Variants in TAS2R1 observed in about 807,000 individuals in gnomAD.
The protein encoded by TAS2R1 is taste 2 receptor member 1.
For synonymous variants in TAS2R1, 141 were observed against 134.2 expected (o/e 1.05, Z -0.35); for missense variants, 370 against 353.4 (o/e 1.05, Z -0.38).
chr5:9,873,759 C>A, the TAS2R1 span, among the ~76,000 whole-genome samples: 113 of 151,504 alleles, frequency 7.5e-4, 1 homozygote, highest in African/African-American at 2.7e-3. Context: ...GTCCCGGCTA[C>A]TCAGGAAGCT....
the TAS2R1 span, among the ~76,000 whole-genome samples, chr5:9,780,460 TA>T: frequency 6.6e-6 from 1 of 152,218 alleles, no homozygotes; most frequent in South Asian, 2.1e-4. Context: ...CCCTACCCAC[TA>T]ATGGACATTG....
rs1739790676 is a variant in TAS2R1, at chr5:9,628,132, CTA to C, written c.*999_*1000del. ...AAGTATATCTATCTCCATAATTTAT[CTA>C]TCTATCTATCTATCTATCTATCTAT... is the stretch of plus-strand genomic sequence containing the variant. On this transcript the variant is annotated 3_prime_UTR_variant, in exon 1 of 1. Coordinates refer to ENST00000382492, the MANE Select transcript of TAS2R1 (RefSeq NM_019599.3). 1.8e-5 allele frequency among the ~76,000 whole-genome samples: 1 copy of C among 56,012 alleles called. No homozygotes were observed. Among genetic ancestry groups the C allele is most frequent in the South Asian group, 5.0e-4 (1 of 2,016 alleles). 36.7% of individuals were successfully genotyped at this position (56,012 alleles called of 152,430 possible).
chr5:9,885,620 C>CTACA, the TAS2R1 span, among the ~76,000 whole-genome samples: 1 of 152,104 alleles, frequency 6.6e-6, no homozygotes, highest in Non-Finnish European at 1.5e-5. Context: ...GTATGAGAAG[C>CTACA]TACAGTTTTT....
At chr5:9,856,099 C>G in the TAS2R1 span, among the ~76,000 whole-genome samples, 1 of 152,046 alleles carries the variant, frequency 6.6e-6, no homozygotes, top group Admixed American at 6.6e-5. Flanking sequence ...TAGAACCAAA[C>G]CTTCAGATAG....
At chr5:9,829,937 C>A in the TAS2R1 span, among the ~76,000 whole-genome samples, 2 of 152,180 alleles carry the variant, frequency 1.3e-5, no homozygotes, top group African/African-American at 2.4e-5. Context: ...CCTAGTCATT[C>A]CTCTAAGAAT....
the TAS2R1 span, among the ~76,000 whole-genome samples, chr5:9,754,242 T>C: frequency 3.9e-5 from 6 of 152,164 alleles, no homozygotes; most frequent in African/African-American, 1.2e-4. Flanking sequence ...AAATTAGGTA[T>C]TGATGGGACG....
chr5:9,676,947 C>A (rs1034134936), intron 1 of TAS2R1, among the ~76,000 whole-genome samples: 1 of 152,158 alleles, frequency 6.6e-6, no homozygotes, highest in Non-Finnish European at 1.5e-5. Context: ...CATAAAGACA[C>A]ATGCACATGT....
Position 9,627,797 on chromosome 5 carries a change from G to A in TAS2R1, c.*1336C>T, listed in dbSNP as rs1237082471. ...TGGAGGCTGTCATTTTGCTCCTTGG[G>A]GAATGAAGTGTGAAACCTGTGGGAA... On this transcript the variant is annotated 3_prime_UTR_variant, in exon 1 of 1. Coordinates refer to ENST00000382492, the MANE Select transcript of TAS2R1 (RefSeq NM_019599.3). 1.3e-5 allele frequency among the ~76,000 whole-genome samples: 2 copies of A among 152,116 alleles called. No homozygotes were observed. The highest frequency in any genetic ancestry group is 3.9e-4 in the East Asian group (2 of 5,180).
chr5:9,719,655 G>C, the TAS2R1 span, among the ~76,000 whole-genome samples: 1 of 151,682 alleles, frequency 6.6e-6, no homozygotes, highest in African/African-American at 2.4e-5. Context: ...CTGGCCGGGC[G>C]CGGTGGCTCA....
At chr5:9,791,865 C>A in the TAS2R1 span, among the ~76,000 whole-genome samples, 3 of 152,120 alleles carry the variant, frequency 2.0e-5, no homozygotes, top group African/African-American at 7.2e-5. Flanking sequence ...ATAGAAGGTC[C>A]ATTTGTGAAC....
chr5:9,650,694 G>T (rs570123166), intron 2 of TAS2R1, among the ~76,000 whole-genome samples: 2 of 151,924 alleles, frequency 1.3e-5, no homozygotes, highest in East Asian at 3.9e-4. Context: ...CAAAAGACTT[G>T]GTCCGATTAT....
chr5:9,896,356 G>T, the TAS2R1 span, among the ~76,000 whole-genome samples: 2 of 152,204 alleles, frequency 1.3e-5, no homozygotes, highest in Non-Finnish European at 2.9e-5. Flanking sequence ...GGTTACAGGA[G>T]AATGGCTAAA....
chr5:9,811,629 T>TTTC, the TAS2R1 span, among the ~76,000 whole-genome samples: 6 of 152,228 alleles, frequency 3.9e-5, no homozygotes, highest in East Asian at 9.6e-4. Flanking sequence ...TCTGTCCTTT[T>TTTC]TTCTTCTTCT....
At chr5:9,841,280 T>C in the TAS2R1 span, among the ~76,000 whole-genome samples, 6 of 152,324 alleles carry the variant, frequency 3.9e-5, no homozygotes, top group Admixed American at 1.3e-4. Context: ...TAATCTGTCA[T>C]TTTTCTCTTG....
the TAS2R1 span, among the ~76,000 whole-genome samples, chr5:9,834,753 T>A: frequency 6.9e-6 from 1 of 145,556 alleles, no homozygotes; most frequent in Non-Finnish European, 1.5e-5. Flanking sequence ...ATTACTGCAT[T>A]AAAAAAAAAA....
the TAS2R1 span, among the ~76,000 whole-genome samples, chr5:9,802,411 A>C: frequency 6.6e-6 from 1 of 152,206 alleles, no homozygotes; most frequent in East Asian, 1.9e-4. Flanking sequence ...CCCGTGGAAC[A>C]AAAGAATCTG....
At chr5:9,630,610 AG>A (rs1739856288), upstream of TAS2R1, among the ~76,000 whole-genome samples, 1 of 152,228 alleles carries the variant, frequency 6.6e-6, no homozygotes, top group South Asian at 2.1e-4. Context: ...ACATAATAAA[AG>A]TATCTCTAAG....
chr5:9,888,967 T>G, the TAS2R1 span, among the ~76,000 whole-genome samples: 28,139 of 152,166 alleles, frequency 0.18, 4,059 homozygotes, highest in African/African-American at 0.41. Context: ...GGAGGACTAC[T>G]TAAGAGTTAT....
At chr5:9,738,076 A>G in the TAS2R1 span, among the ~76,000 whole-genome samples, 1 of 152,216 alleles carries the variant, frequency 6.6e-6, no homozygotes, top group African/African-American at 2.4e-5. Context: ...TTGTCGTTAA[A>G]AGAACGTAAA....
Sources: allele counts gnomAD v4.1 joint callset (sites outside exome capture counted in the v4.1 genomes callset), GRCh38; gene constraint gnomAD v4.1.1; transcripts MANE v1.5; gene names NCBI Gene and HGNC (gene_info 2026-07-23, HGNC 2026-07-21).